The following DIS3L2 variants were observed in gnomAD, a reference collection of about 807,000 sequenced individuals.
DIS3L2 encodes the protein DIS3-like exonuclease 2.
Under a neutral mutation model 97.5 loss-of-function variants are expected in DIS3L2, and 34 were observed. The ratio of observed to expected loss-of-function variants is 0.35; its 90% CI spans 0.27 to 0.46. DIS3L2 has a LOEUF of 0.46. Among genes scored for constraint, DIS3L2 ranks in the 20% least tolerant of loss-of-function variants. DIS3L2 has a pLI of 1.00. For synonymous variants in DIS3L2, 435 were observed against 445.2 expected (o/e 0.98, Z 0.29); for missense variants, 1,038 against 1,146.0 (o/e 0.91, Z 1.36).
chr2:232,225,966 A>C (rs577334244), intron 10 of DIS3L2, among the ~76,000 whole-genome samples: 1 of 152,374 alleles, frequency 6.6e-6, no homozygotes, highest in East Asian at 1.9e-4. Context: ...ATGTCAGAAC[A>C]GGTACATCTA....
chr2:232,087,902 TGAAA>T, intron 6 of DIS3L2, 181 bp downstream of exon 6: 1 of 575,374 alleles, frequency 1.7e-6, no homozygotes, highest in Non-Finnish European at 3.1e-6. Context: ...AAAGAGGGGA[TGAAA>T]GTGCTTCCAG....
chr2:232,052,653 T>G (rs187924244), intron 5 of DIS3L2, among the ~76,000 whole-genome samples: 47 of 152,306 alleles, frequency 3.1e-4, no homozygotes, highest in Middle Eastern at 3.4e-3. Context: ...TTATACACAG[T>G]TTCCTTTGCT....
intron 6 of DIS3L2, among the ~76,000 whole-genome samples, chr2:232,100,586 A>G (rs572030206): frequency 6.6e-6 from 1 of 151,512 alleles, no homozygotes; most frequent in South Asian, 2.1e-4. Flanking sequence ...ATTATTATTC[A>G]CTTTTAAATG....
At chr2:232,007,876 G>T (rs965986963) in intron 1 of DIS3L2, among the ~76,000 whole-genome samples, 2 of 152,200 alleles carry the variant, frequency 1.3e-5, no homozygotes, top group Admixed American at 1.3e-4. Context: ...TTTTCTGGAA[G>T]AGTTGTAAAG....
At chr2:232,311,341 C>A (rs1454165738) in intron 14 of DIS3L2, among the ~76,000 whole-genome samples, 1 of 152,200 alleles carries the variant, frequency 6.6e-6, no homozygotes, top group Non-Finnish European at 1.5e-5. Flanking sequence ...GTAAAACTTA[C>A]TTCTGAATTA....
intron 10 of DIS3L2, among the ~76,000 whole-genome samples, chr2:232,231,730 C>T (rs997740923): frequency 2.6e-5 from 4 of 152,230 alleles, no homozygotes; most frequent in African/African-American, 9.6e-5. Flanking sequence ...CCTTTCAGCC[C>T]AGAGCAGCAG....
intron 1 of DIS3L2, among the ~76,000 whole-genome samples, chr2:232,003,336 T>C (rs1198243852): frequency 2.0e-5 from 3 of 152,216 alleles, no homozygotes; most frequent in Non-Finnish European, 4.4e-5. Flanking sequence ...ATTGTGTCAT[T>C]TTGGTGGAGC....
At chr2:232,020,597 C>T (rs1694486069) in intron 3 of DIS3L2, among the ~76,000 whole-genome samples, 1 of 152,100 alleles carries the variant, frequency 6.6e-6, no homozygotes, top group Non-Finnish European at 1.5e-5. Flanking sequence ...AGAGGGATAG[C>T]TGGCATACAT....
At chr2:232,297,363 A>G (rs6738076) in intron 13 of DIS3L2, among the ~76,000 whole-genome samples, 35,702 of 152,098 alleles carry the variant, frequency 0.23, 6,076 homozygotes, top group East Asian at 0.49. Flanking sequence ...TCTCTGACCC[A>G]GTGACACCTT....
intron 10 of DIS3L2, among the ~76,000 whole-genome samples, chr2:232,235,076 T>G (rs1429748897): frequency 6.6e-6 from 1 of 152,172 alleles, no homozygotes; most frequent in East Asian, 1.9e-4. Context: ...TCCCGTCAGG[T>G]TCATTCAAAG....
At chr2:232,120,747 T>A (rs571584037) in intron 6 of DIS3L2, among the ~76,000 whole-genome samples, 1 of 152,148 alleles carries the variant, frequency 6.6e-6, no homozygotes, top group African/African-American at 2.4e-5. Context: ...CCCTTTGTGA[T>A]CCCCTGCAGC....
chr2:232,222,436 G>A (rs577463902), intron 10 of DIS3L2, among the ~76,000 whole-genome samples: 1 of 152,162 alleles, frequency 6.6e-6, no homozygotes, highest in African/African-American at 2.4e-5. Flanking sequence ...ATAAGGAAAT[G>A]CATGTCTTCT....
chr2:232,156,494 G>GT (rs891130713), intron 8 of DIS3L2, among the ~76,000 whole-genome samples: 309 of 146,064 alleles, frequency 2.1e-3, no homozygotes, highest in Middle Eastern at 3.5e-3. Context: ...TTAAATGTGG[G>GT]TTTTTTTTTT....
At chr2:232,133,075 T>C (rs1053497617) in intron 7 of DIS3L2, among the ~76,000 whole-genome samples, 2 of 152,142 alleles carry the variant, frequency 1.3e-5, no homozygotes, top group African/African-American at 2.4e-5. Context: ...AGCCTCTTTA[T>C]CCTTGTGGGC....
At chr2:232,342,503 T>A (rs1218445331) in intron 13 of DIS3L2, among the ~76,000 whole-genome samples, 1 of 152,128 alleles carries the variant, frequency 6.6e-6, no homozygotes, top group Non-Finnish European at 1.5e-5. Context: ...CACATATAAC[T>A]TGGACAAAAG....
chr2:232,258,113 G>C (rs1693615008), intron 12 of DIS3L2, among the ~76,000 whole-genome samples: 1 of 152,186 alleles, frequency 6.6e-6, no homozygotes, highest in Non-Finnish European at 1.5e-5. Flanking sequence ...GGTAGGCCTT[G>C]AATTACAGTG....
In DIS3L2 at chr2:232,176,187, G is replaced by A. The variant is rs140396568; in HGVS notation, c.1124+12555G>A. ...ATTACAGGCGTGAGCCACCGCACCC[G>A]GCTTCTTCCTAGAACTTTGTCTTTT... On this transcript the variant is annotated intron_variant, in intron 9 of 20. Coordinates refer to ENST00000325385, the MANE Select transcript of DIS3L2 (RefSeq NM_152383.5). 3.2e-3 allele frequency among the ~76,000 whole-genome samples: 485 copies of A among 152,280 alleles called. 1 individual carries two copies. The highest frequency in any genetic ancestry group is 0.011 in the African/African-American group (443 of 41,556).
chr2:231,965,083 C>T (rs1246493042), intron 1 of DIS3L2, among the ~76,000 whole-genome samples: 1 of 152,174 alleles, frequency 6.6e-6, no homozygotes. Flanking sequence ...ATCTATATGA[C>T]ATTTTTCCTG....
chr2:232,024,756 T>A (rs1015362007), intron 4 of DIS3L2, among the ~76,000 whole-genome samples: 1 of 152,192 alleles, frequency 6.6e-6, no homozygotes, highest in African/African-American at 2.4e-5. Context: ...AATGCTTTTT[T>A]TTTTTGGTGG....
Sources: allele counts gnomAD v4.1 joint callset (sites outside exome capture counted in the v4.1 genomes callset), GRCh38; gene constraint gnomAD v4.1.1; transcripts MANE v1.5; gene names NCBI Gene and HGNC (gene_info 2026-07-23, HGNC 2026-07-21).